ANLN: variants seen among roughly 807,000 people sequenced by gnomAD.
ANLN encodes anillin.
Under a neutral mutation model 135.1 loss-of-function variants are expected in ANLN, and 59 were observed. The ratio of observed to expected loss-of-function variants is 0.44; its 90% CI spans 0.35 to 0.54. The LOEUF (loss-of-function observed/expected upper bound fraction) is 0.54, where lower values mean the gene tolerates loss of function less well. ANLN is among the 20% of genes least tolerant of loss of function. The pLI is 0.00. For missense variants in ANLN, 1,182 were observed against 1,340.0 expected (o/e 0.88, Z 1.84); for synonymous variants, 406 against 456.4 (o/e 0.89, Z 1.41).
intron 1 of ANLN, 103 bp downstream of exon 1, chr7:36,390,147 CGTGTGTGCGCGCGTGCGCA>C (rs1289919696): frequency 1.9e-4 from 305 of 1,587,806 alleles, no homozygotes; most frequent in Middle Eastern, 9.1e-4. Flanking sequence ...GCGGAGGGCG[CGTGTGTGCGCGCGTGCGCA>C]GTGTGTGCGG....
intron 21 of ANLN, 39 bp downstream of exon 21, chr7:36,439,329 A>C (rs764914921): frequency 4.4e-6 from 5 of 1,124,382 alleles, no homozygotes; most frequent in Non-Finnish European, 6.4e-6. Context: ...CCTTTTTTCC[A>C]TTTTGTGAAA....
At position 36,393,548 on chromosome 7, in the gene ANLN, C is replaced by T. The variant is rs539740563; in HGVS notation, c.19-2718C>T. On this transcript the variant is annotated intron_variant, in intron 1 of 23. Coordinates refer to ENST00000265748, the MANE Select transcript of ANLN (RefSeq NM_018685.5). ...TCCTGATGGGTGGGTACTGAACAAA[C>T]GTGCAGTTACATGCATCCCATGTTC... Among the ~76,000 whole-genome samples the T allele has an allele frequency of 4.7e-4, 72 of 152,268 alleles. 1 individual carries two copies. The South Asian group carries it at 0.014, about 29-fold the overall frequency.
Position 36,420,581 on chromosome 7 carries a change from A to G in ANLN, c.2016-16A>G, listed in dbSNP as rs1387342285. 8 of 1,604,370 alleles carry G rather than the reference A, an allele frequency of 5.0e-6. No individual in the cohort carries two copies. Among genetic ancestry groups the G allele is most frequent in the Non-Finnish European group, 6.8e-6 (8 of 1,171,592 alleles). ...TGTTGCTGGATTTCTAATAGAGTGT[A>G]ACTTACCTCTTGAAGCATTGATGCA... On this transcript the variant is annotated splice_polypyrimidine_tract_variant and intron_variant, in intron 11 of 23. Coordinates refer to ENST00000265748, the MANE Select transcript of ANLN (RefSeq NM_018685.5).
intron 1 of ANLN, 176 bp downstream of exon 1, chr7:36,390,220 C>A: frequency 1.0e-6 from 1 of 1,004,562 alleles, no homozygotes; most frequent in Non-Finnish European, 1.5e-6. Flanking sequence ...TGGTGGGTTC[C>A]TCTGAGATTT....
intron 11 of ANLN, 120 bp downstream of exon 11, chr7:36,420,434 A>C (rs1335549321): frequency 1.5e-6 from 2 of 1,375,306 alleles, no homozygotes; most frequent in African/African-American, 2.9e-5. Context: ...AGTTTGGAAT[A>C]ACTTTTGTTA....
intron 7 of ANLN, among the ~76,000 whole-genome samples, chr7:36,413,683 T>G (rs895268468): frequency 2.0e-5 from 3 of 152,064 alleles, no homozygotes; most frequent in African/African-American, 7.2e-5. Context: ...AAAATGTAGT[T>G]GAAGGCAGTG....
intron 22 of ANLN, among the ~76,000 whole-genome samples, chr7:36,444,866 A>T (rs961459649): frequency 6.6e-5 from 10 of 152,098 alleles, no homozygotes; most frequent in African/African-American, 1.2e-4. Context: ...ATCAGTAAAG[A>T]TAAGTCTAAT....
intron 20 of ANLN, among the ~76,000 whole-genome samples, chr7:36,437,778 T>A (rs35331897): frequency 0.2 from 29,937 of 150,408 alleles, 3,148 homozygotes; most frequent in Non-Finnish European, 0.24. Context: ...TATTTTATTT[T>A]AAAAATTTTT....
Position 36,399,134 on chromosome 7 carries a change from A to C in ANLN, c.228A>C (p.Glu76Asp), listed in dbSNP as rs1478288672. The change falls in exon 3 of 24, where the codon GAA becomes GAC. Residue 76 changes from glutamate to aspartate, a missense_variant. Around this residue, in one of 3 missense-constraint regions of ANLN, gnomAD observed 1,022 missense variants for 1,134.0 expected, o/e 0.90. Transcript: ENST00000265748. ...PSKKRCSDNT[E>D]VEVSNLENKQ... ...AAAAACGCTGTTCTGACAACACTGA[A>C]GTAGAAGTTTCTAACTTGGAAAATA... 5 of 1,614,180 alleles carry C rather than the reference A, an allele frequency of 3.1e-6. No individual in the cohort carries two copies. In the Admixed American group the frequency reaches 5.0e-5, roughly 16 times the overall value.
chr7:36,396,435 G>A lies in ANLN; in HGVS notation c.172+16G>A. 2.0e-6 allele frequency: 3 copies of A among 1,523,980 alleles called. No individual in the cohort carries two copies. The highest frequency in any genetic ancestry group is 1.8e-6 in the Non-Finnish European group (2 of 1,128,338). The allele number at this position is 1,523,980 out of a possible 1,614,324, so 94.4% of individuals were successfully genotyped here. ...GGTGGTGAAGGTAAAAGACTTTGTG[G>A]GGAAAAATAACATTTACTTTTTTTT... On this transcript the variant is annotated intron_variant, in intron 2 of 23. Coordinates refer to ENST00000265748, the MANE Select transcript of ANLN (RefSeq NM_018685.5).
chr7:36,452,639 C>T lies in ANLN; in HGVS notation c.*39C>T. ...CATGCTATCTAGAGGTTTTTGATGT[C>T]ATCTTAAGAAACACACTTAAGAGCA... On this transcript the variant is annotated 3_prime_UTR_variant, in exon 24 of 24. Transcript: ENST00000265748. 6.2e-7 allele frequency: 1 copy of T among 1,605,578 alleles called. No individual in the cohort carries two copies. The highest frequency in any genetic ancestry group is 8.5e-7 in the Non-Finnish European group (1 of 1,174,538).
chr7:36,450,995 G>T (rs893156844), intron 23 of ANLN, among the ~76,000 whole-genome samples: 1 of 152,134 alleles, frequency 6.6e-6, no homozygotes, highest in Non-Finnish European at 1.5e-5. Flanking sequence ...TCATGTACTT[G>T]TAGTCTTTCT....
Position 36,408,027 on chromosome 7 carries a change from T to C in ANLN, c.1096+71T>C, listed in dbSNP as rs1787264220. 13 of 1,227,806 alleles carry C rather than the reference T, an allele frequency of 1.1e-5. 1 individual carries two copies. The highest frequency in any genetic ancestry group is 1.3e-5 in the Non-Finnish European group (11 of 872,666). 76.1% of individuals were successfully genotyped at this position (1,227,806 alleles called of 1,614,324 possible). The stretch of plus-strand genomic sequence containing the variant: ...ATATCTATTCTCAGCATTTTAAATA[T>C]TCAATTGTGAATGGTACAGCAATGA... On this transcript the variant is annotated intron_variant, in intron 5 of 23. Transcript: ENST00000265748.
chr7:36,399,425 A>C (rs1173546751), intron 3 of ANLN, 32 bp downstream of exon 3: 1 of 1,506,740 alleles, frequency 6.6e-7, no homozygotes, highest in South Asian at 1.3e-5. Flanking sequence ...TGGCCCATAC[A>C]TCTGTTCCAA....
rs373810885 is a variant in ANLN, at chr7:36,427,362, G to T, written c.2883+334G>T. On this transcript the variant is annotated intron_variant, in intron 20 of 23. Transcript: ENST00000265748. ...TCTTGCCTATTTCCATTTCTTTGTG[G>T]TTTTTTTTGTTTTTTTGTTTTTTTG... Among the ~76,000 whole-genome samples the T allele has an allele frequency of 2.0e-3, 295 of 149,528 alleles. 1 individual carries two copies. Among genetic ancestry groups the T allele is most frequent in the East Asian group, 5.8e-3 (29 of 5,030 alleles).
At chr7:36,437,156 C>T (rs1247904823) in intron 20 of ANLN, among the ~76,000 whole-genome samples, 2 of 152,174 alleles carry the variant, frequency 1.3e-5, no homozygotes, top group African/African-American at 4.8e-5. Context: ...TTCTCCTCCC[C>T]ACTCCCTGGC....
intron 20 of ANLN, among the ~76,000 whole-genome samples, chr7:36,430,255 C>A (rs1366197306): frequency 6.6e-6 from 1 of 152,152 alleles, no homozygotes; most frequent in Non-Finnish European, 1.5e-5. Context: ...TTACTGGTGC[C>A]TTGACCAGTA....
At chr7:36,426,388 A>G (rs1377117031) in intron 19 of ANLN, among the ~76,000 whole-genome samples, 3 of 152,230 alleles carry the variant, frequency 2.0e-5, no homozygotes, top group East Asian at 1.9e-4. Context: ...CTGGCGTTGT[A>G]TCATGTCAGA....
At chr7:36,414,846 T>C (rs571351054) in intron 7 of ANLN, among the ~76,000 whole-genome samples, 2 of 152,344 alleles carry the variant, frequency 1.3e-5, no homozygotes, top group African/African-American at 4.8e-5. Flanking sequence ...GTATACTGGC[T>C]CTGCCAGTCA....
Sources: allele counts gnomAD v4.1 joint callset (sites outside exome capture counted in the v4.1 genomes callset), GRCh38; gene constraint gnomAD v4.1.1; regional missense constraint gnomAD v4.1.1; transcripts MANE v1.5; gene names NCBI Gene and HGNC (gene_info 2026-07-23, HGNC 2026-07-21).